The following NLRC3 variants were observed in gnomAD, a reference collection of about 807,000 sequenced individuals.
NLRC3 encodes the protein NLR family CARD domain-containing protein 3.
A neutral mutation model predicts 91.6 loss-of-function variants in NLRC3; 87 were observed. The observed-to-expected ratio is 0.95, with a 90% CI of 0.80 to 1.14. The LOEUF (loss-of-function observed/expected upper bound fraction) is 1.14, where lower values mean the gene tolerates loss of function less well. Among genes scored for constraint, NLRC3 ranks in the 50% most tolerant of loss-of-function variants. NLRC3 has a pLI of 0.00. For synonymous variants in NLRC3, 694 were observed against 625.3 expected, an observed-to-expected ratio of 1.11 and a Z score of -1.64; for missense variants, 1,577 against 1,418.6, an observed-to-expected ratio of 1.11 and a Z score of -1.79.
In NLRC3 at chr16:3,565,004, C is replaced by T. The variant is rs757685960; in HGVS notation, c.33G>A (p.Glu11=). Residue 11 remains glutamate (E), a synonymous_variant, in exon 4 of 20, where the codon GAG becomes GAA. Coordinates refer to ENST00000359128, the MANE Select transcript of NLRC3 (RefSeq NM_178844.4). ...AGCCCGTACCGTGGCCCTGGCCGGC[C>T]TCCCTGCCCGTCCGCACCTCTTGCT... is the stretch of plus-strand genomic sequence containing the variant. MRKQEVRTGR[E]AGQGHGTGSP... is the part of the protein sequence containing the mutation. 7 of 1,610,422 alleles carry T rather than the reference C, an allele frequency of 4.3e-6. No individual in the cohort carries two copies. The South Asian group carries it at 6.6e-5, about 15-fold the overall frequency.
intron 9 of NLRC3, among the ~76,000 whole-genome samples, chr16:3,552,487 G>A (rs912484363): frequency 4.6e-5 from 7 of 152,180 alleles, no homozygotes; most frequent in African/African-American, 1.7e-4. Flanking sequence ...AGGGGTCAGG[G>A]CAGCTGAGCC....
intron 1 of NLRC3, among the ~76,000 whole-genome samples, chr16:3,570,808 T>A (rs2040072654): frequency 1.3e-5 from 2 of 152,140 alleles, no homozygotes; most frequent in African/African-American, 4.8e-5. Context: ...GTCACCGTTG[T>A]TGTAAGGAGT....
chr16:3,549,816 C>G, intron 11 of NLRC3, 36 bp from the exon 12 acceptor site: 1 of 1,484,470 alleles, frequency 6.7e-7, no homozygotes, highest in Non-Finnish European at 9.2e-7. Context: ...TGTGGCTGTC[C>G]CAGGACCCAG....
At chr16:3,570,510 C>T (rs2040062264) in intron 1 of NLRC3, among the ~76,000 whole-genome samples, 1 of 152,108 alleles carries the variant, frequency 6.6e-6, no homozygotes, top group South Asian at 2.1e-4. Flanking sequence ...ATAAGCAAGG[C>T]AGTTTCTGCT....
At chr16:3,569,896 T>C (rs2040038833) in intron 1 of NLRC3, among the ~76,000 whole-genome samples, 1 of 152,236 alleles carries the variant, frequency 6.6e-6, no homozygotes, top group South Asian at 2.1e-4. Flanking sequence ...TATTTTGTTC[T>C]ATTACCATTC....
chr16:3,567,874 C>CT (rs201945750), intron 1 of NLRC3, among the ~76,000 whole-genome samples: 68 of 134,682 alleles, frequency 5.0e-4, no homozygotes, highest in South Asian at 2.2e-3. Context: ...TTCTTTCTTT[C>CT]TTTTTTTTTT....
At chr16:3,559,430 C>G (rs1026472633) in intron 6 of NLRC3, among the ~76,000 whole-genome samples, 1 of 152,066 alleles carries the variant, frequency 6.6e-6, no homozygotes, top group Non-Finnish European at 1.5e-5. Flanking sequence ...GAACTCCTGG[C>G]CTTAAAGAAT....
At chr16:3,558,253 C>T (rs2039443603) in intron 6 of NLRC3, among the ~76,000 whole-genome samples, 1 of 152,100 alleles carries the variant, frequency 6.6e-6, no homozygotes, top group Non-Finnish European at 1.5e-5. Context: ...GAGGATTTAG[C>T]CTAGAAGGTT....
chr16:3,558,159 T>C (rs886333015), intron 6 of NLRC3, among the ~76,000 whole-genome samples: 8 of 151,954 alleles, frequency 5.3e-5, no homozygotes, highest in South Asian at 2.1e-4. Context: ...CTGGGAAACA[T>C]AGGGAGATCT....
chr16:3,566,126 A>G (rs945695008), intron 2 of NLRC3, among the ~76,000 whole-genome samples: 31 of 149,022 alleles, frequency 2.1e-4, no homozygotes, highest in Admixed American at 4.7e-4. Flanking sequence ...AAAAAAAAAA[A>G]AAGAATGAGC....
chr16:3,557,363 G>A (rs1403091429), intron 7 of NLRC3, among the ~76,000 whole-genome samples: 1 of 152,198 alleles, frequency 6.6e-6, no homozygotes, highest in African/African-American at 2.4e-5. Flanking sequence ...AGGCATGTGC[G>A]CTAAGGTGTG....
rs944352079 is a variant in NLRC3 at position 3,548,234 on chromosome 16, C to A, written c.2688-16G>T. The A allele has an allele frequency of 6.3e-7, 1 of 1,579,148 alleles. No homozygotes were observed. The highest frequency in any genetic ancestry group is 1.3e-5 in the African/African-American group (1 of 74,444). On this transcript the variant is annotated splice_polypyrimidine_tract_variant and intron_variant, in intron 14 of 19. Coordinates refer to ENST00000359128, the MANE Select transcript of NLRC3 (RefSeq NM_178844.4). Reference sequence around the variant, plus strand: ...CCACTGCAGGCTGGGCAGACACAGACACATGTGACTATGTGACTATGTGAC... The same window carrying A: ...CCACTGCAGGCTGGGCAGACACAGAAACATGTGACTATGTGACTATGTGAC...
chr16:3,549,554 A>G, intron 12 of NLRC3, 143 bp downstream of exon 12: 1 of 698,134 alleles, frequency 1.4e-6, no homozygotes, highest in East Asian at 2.7e-5. Context: ...CCTGCACCCC[A>G]AGAGAGCAGG....
chr16:3,557,981 G>A (rs918318518), intron 6 of NLRC3, among the ~76,000 whole-genome samples: 4 of 152,174 alleles, frequency 2.6e-5, no homozygotes, highest in Admixed American at 1.3e-4. Context: ...TGGAAATCTC[G>A]GAAGCCTAAC....
At chr16:3,552,448 A>C (rs991833854) in intron 9 of NLRC3, among the ~76,000 whole-genome samples, 169 bp from the exon 10 acceptor site, 1 of 152,148 alleles carries the variant, frequency 6.6e-6, no homozygotes, top group Admixed American at 6.6e-5. Flanking sequence ...CTAAGTGATA[A>C]TGGACCAACA....
chr16:3,575,900 C>G (rs1432264316), intron 1 of NLRC3, among the ~76,000 whole-genome samples: 2 of 152,202 alleles, frequency 1.3e-5, no homozygotes, highest in Admixed American at 6.5e-5. Context: ...ACATCCTGCC[C>G]CTGCCCCCTC....
At position 3,568,586 on chromosome 16, in the gene NLRC3, G is replaced by C. The variant is rs566043907; in HGVS notation, c.-168-1262C>G. The stretch of plus-strand genomic sequence containing the variant: ...AAAATAAAAATTAAAAATTAGCCAG[G>C]CATGGTGGTTCACGCCTGTAGTCCC... On this transcript the variant is annotated intron_variant, in intron 1 of 19. Transcript: ENST00000359128. Among the ~76,000 whole-genome samples the C allele has an allele frequency of 5.3e-5, 8 of 152,268 alleles. No individual in the cohort carries two copies. In the East Asian group the frequency reaches 9.7e-4, roughly 18 times the overall value.
intron 14 of NLRC3, 86 bp from the exon 15 acceptor site, chr16:3,548,304 G>A (rs1264299177): frequency 2.9e-6 from 3 of 1,034,026 alleles, no homozygotes; most frequent in East Asian, 5.2e-5. Context: ...ATGGCAGGAG[G>A]TGGAATCCCT....
At chr16:3,555,446 G>T (rs899859693) in intron 8 of NLRC3, among the ~76,000 whole-genome samples, 17 of 152,088 alleles carry the variant, frequency 1.1e-4, no homozygotes, top group African/African-American at 3.6e-4. Context: ...GGGGAGAATG[G>T]GAAGTGACTG....
Sources: allele counts gnomAD v4.1 joint callset (sites outside exome capture counted in the v4.1 genomes callset), GRCh38; gene constraint gnomAD v4.1.1; transcripts MANE v1.5; gene names NCBI Gene and HGNC (gene_info 2026-07-23, HGNC 2026-07-21).